Variants in SYTL3 observed in about 807,000 individuals in gnomAD.
The protein encoded by SYTL3 is synaptotagmin like 3.
In SYTL3, 88 loss-of-function variants were observed where a neutral mutation model predicts 82.1. The ratio of observed to expected loss-of-function variants is 1.07; its 90% CI spans 0.90 to 1.28. The LOEUF (loss-of-function observed/expected upper bound fraction) is 1.28. Among genes scored for constraint, SYTL3 ranks in the 50% most tolerant of loss-of-function variants. The pLI, the probability that SYTL3 is intolerant of heterozygous loss-of-function variation, is 0.00. For synonymous variants in SYTL3, 311 were observed against 289.4 expected (o/e 1.07, Z -0.76); for missense variants, 831 against 757.6 (o/e 1.10, Z -1.14).
chr6:158,731,215 C>T (rs980569152), intron 11 of SYTL3, among the ~76,000 whole-genome samples: 2 of 149,344 alleles, frequency 1.3e-5, no homozygotes, highest in African/African-American at 2.5e-5. Flanking sequence ...ACCCGGGAGG[C>T]GGAGGTTGCA....
At chr6:158,715,426 G>A (rs922698316) in intron 9 of SYTL3, among the ~76,000 whole-genome samples, 1 of 152,052 alleles carries the variant, frequency 6.6e-6, no homozygotes, top group African/African-American at 2.4e-5. Flanking sequence ...CTGTCAGGTG[G>A]CCACCCCAGA....
intron 6 of SYTL3, among the ~76,000 whole-genome samples, chr6:158,700,358 C>T (rs546884961): frequency 5.3e-5 from 8 of 152,042 alleles, no homozygotes; most frequent in Non-Finnish European, 1.2e-4. Context: ...CTCAAGCAGT[C>T]CTCCCACCTC....
intron 5 of SYTL3, among the ~76,000 whole-genome samples, chr6:158,676,264 A>G (rs1195550282): frequency 6.6e-6 from 1 of 152,238 alleles, no homozygotes; most frequent in African/African-American, 2.4e-5. Flanking sequence ...ATCTACAACT[A>G]TCTGATCTTT....
At chr6:158,689,310 T>C (rs921388996) in intron 6 of SYTL3, among the ~76,000 whole-genome samples, 2 of 151,612 alleles carry the variant, frequency 1.3e-5, no homozygotes, top group Non-Finnish European at 2.9e-5. Context: ...CTTTATCAGT[T>C]TGGCAAAACA....
chr6:158,674,128 G>A (rs1172824531), intron 5 of SYTL3, among the ~76,000 whole-genome samples: 9 of 138,698 alleles, frequency 6.5e-5, no homozygotes, highest in Admixed American at 5.2e-4. Context: ...TAATGATGAT[G>A]ATGATGATAA....
At chr6:158,706,385 G>A (rs144843545) in intron 6 of SYTL3, among the ~76,000 whole-genome samples, 3 of 152,128 alleles carry the variant, frequency 2.0e-5, no homozygotes, top group Non-Finnish European at 4.4e-5. Context: ...CTTACTGTCC[G>A]TGTCCTTCAG....
intron 6 of SYTL3, among the ~76,000 whole-genome samples, chr6:158,685,215 T>TCC (rs1441813718): frequency 2.2e-4 from 31 of 140,040 alleles, no homozygotes; most frequent in Non-Finnish European, 3.8e-4. Flanking sequence ...TCTCTCTCTC[T>TCC]CTTTTTTTTT....
intron 14 of SYTL3, 111 bp from the exon 15 acceptor site, chr6:158,760,529 T>G: frequency 2.2e-6 from 2 of 893,360 alleles, no homozygotes; most frequent in South Asian, 2.8e-5. Context: ...CCCAGGGCCT[T>G]GCAGGGGCCA....
At chr6:158,658,462 C>T (rs1308296986) in intron 2 of SYTL3, among the ~76,000 whole-genome samples, 1 of 152,140 alleles carries the variant, frequency 6.6e-6, no homozygotes, top group East Asian at 1.9e-4. Flanking sequence ...ATGCCCAACG[C>T]CATCAAGCCA....
Position 158,718,146 on chromosome 6 carries a change from A to G in SYTL3, c.655A>G (p.Arg219Gly), listed in dbSNP as rs1783639167. 3 of 1,546,968 alleles carry G rather than the reference A, an allele frequency of 1.9e-6. No homozygotes were observed. Among genetic ancestry groups the G allele is most frequent in the Admixed American group, 4.0e-5 (2 of 50,626 alleles). The change falls in exon 10 of 18, where the codon AGG becomes GGG. Residue 219 changes from arginine to glycine, a missense_variant. Transcript: ENST00000611299. ...GAAGCATCTTCTCGCCACGGGCCCCAGGCAGTGTGTGGGACAGACAGAGAG... is the reference window on the plus strand; with the variant it reads ...GAAGCATCTTCTCGCCACGGGCCCCGGGCAGTGTGTGGGACAGACAGAGAG... ...SEKHLLATGP[R>G]QCVGQTERRS... is the part of the protein sequence containing the mutation.
At chr6:158,714,020 A>G in intron 9 of SYTL3, 142 bp downstream of exon 9, 1 of 660,910 alleles carries the variant, frequency 1.5e-6, no homozygotes. Context: ...AAGCCACAGC[A>G]CCTGGCCCTT....
intron 6 of SYTL3, among the ~76,000 whole-genome samples, chr6:158,688,195 C>T (rs1583237571): frequency 6.6e-6 from 1 of 152,290 alleles, no homozygotes; most frequent in Non-Finnish European, 1.5e-5. Flanking sequence ...GAGTATATCA[C>T]TGTATTTGAT....
intron 5 of SYTL3, among the ~76,000 whole-genome samples, chr6:158,671,226 G>C (rs952158944): frequency 5.3e-5 from 8 of 152,184 alleles, no homozygotes; most frequent in South Asian, 2.1e-4. Flanking sequence ...CATTCTTCTT[G>C]TTGAAACTGA....
At chr6:158,710,840 G>A (rs1782686883) in intron 8 of SYTL3, among the ~76,000 whole-genome samples, 1 of 151,142 alleles carries the variant, frequency 6.6e-6, no homozygotes, top group African/African-American at 2.4e-5. Context: ...GAGTGCAATG[G>A]CGCAATCTTG....
chr6:158,670,266 A>G (rs1045276221), intron 5 of SYTL3, among the ~76,000 whole-genome samples: 6 of 152,210 alleles, frequency 3.9e-5, no homozygotes, highest in Middle Eastern at 3.2e-3. Context: ...TGAGAATGGG[A>G]TAATTCACTC....
At chr6:158,747,031 G>T (rs1236433462) in intron 12 of SYTL3, among the ~76,000 whole-genome samples, 3 of 152,148 alleles carry the variant, frequency 2.0e-5, no homozygotes, top group Admixed American at 6.5e-5. Context: ...CTGTTGCCCA[G>T]GCTGGAGTGT....
At chr6:158,760,884 T>C in intron 15 of SYTL3, 139 bp downstream of exon 15, 1 of 693,448 alleles carries the variant, frequency 1.4e-6, no homozygotes, top group South Asian at 1.7e-5. Context: ...AGCTCTTCTT[T>C]CTGAGCCATG....
chr6:158,754,486 C>T (rs576767006), intron 13 of SYTL3, among the ~76,000 whole-genome samples: 74 of 151,956 alleles, frequency 4.9e-4, no homozygotes, highest in Non-Finnish European at 7.4e-4. Flanking sequence ...TTTGGGAGGC[C>T]GAGGCAGGCG....
At chr6:158,714,392 G>A (rs182246493) in intron 9 of SYTL3, among the ~76,000 whole-genome samples, 1 of 152,078 alleles carries the variant, frequency 6.6e-6, no homozygotes, top group African/African-American at 2.4e-5. Flanking sequence ...CAATTTCAGG[G>A]AATCTAAAAC....
Sources: allele counts gnomAD v4.1 joint callset (sites outside exome capture counted in the v4.1 genomes callset), GRCh38; gene constraint gnomAD v4.1.1; transcripts MANE v1.5; gene names NCBI Gene and HGNC (gene_info 2026-07-23, HGNC 2026-07-21).